The following EFNB2 variants were observed in gnomAD, a reference collection of about 807,000 sequenced individuals.
The protein encoded by EFNB2 is ephrin B2.
A neutral mutation model predicts 32.1 loss-of-function variants in EFNB2; 5 were observed. That is an observed-to-expected ratio of 0.16 (90% CI 0.08 to 0.33). The LOEUF (loss-of-function observed/expected upper bound fraction) is 0.33. Among genes scored for constraint, EFNB2 ranks in the 10% least tolerant of loss-of-function variants. EFNB2 has a pLI of 1.00. For synonymous variants in EFNB2, 168 were observed against 166.5 expected (o/e 1.01, Z -0.07); for missense variants, 263 against 422.6 (o/e 0.62, Z 3.31).
chr13:106,528,080 G>C (rs1440230289), intron 1 of EFNB2, among the ~76,000 whole-genome samples: 1 of 152,194 alleles, frequency 6.6e-6, no homozygotes, highest in African/African-American at 2.4e-5. Context: ...AGAATGCAAG[G>C]TGCTTGGATG....
intron 1 of EFNB2, among the ~76,000 whole-genome samples, chr13:106,522,154 T>C (rs1879544475): frequency 6.6e-6 from 1 of 152,126 alleles, no homozygotes; most frequent in Non-Finnish European, 1.5e-5. Flanking sequence ...GCTGGGATGC[T>C]ATGTACAGTG....
chr13:106,511,620 T>C (rs1285593763), intron 2 of EFNB2, among the ~76,000 whole-genome samples: 2 of 152,188 alleles, frequency 1.3e-5, no homozygotes, highest in Non-Finnish European at 2.9e-5. Context: ...AGCAGTTCCC[T>C]AATAAACTGA....
chr13:106,520,930 AAAGT>A (rs1471590750), intron 1 of EFNB2: 1 of 152,130 alleles, frequency 6.6e-6, no homozygotes, highest in Non-Finnish European at 1.5e-5. Context: ...CTTAGAGTAA[AAAGT>A]AATTACCTTA....
In EFNB2 at chr13:106,490,278, C is replaced by G. The variant is rs1007806121; in HGVS notation, c.*2762G>C. 17 of 152,258 alleles carry G rather than the reference C, an allele frequency of 1.1e-4. No homozygotes were observed. The highest frequency in any genetic ancestry group is 4.1e-4 in the African/African-American group (17 of 41,532). The allele number at this position is 152,258 out of a possible 1,614,324, so 9.4% of individuals were successfully genotyped here. A position where few individuals can be genotyped will look rare whatever the true frequency, so the allele number is the denominator to read the frequency against. On this transcript the variant is annotated 3_prime_UTR_variant, in exon 5 of 5. Coordinates refer to ENST00000646441, the MANE Select transcript of EFNB2 (RefSeq NM_004093.4). ...AATCCATAGACAGTAAAATCTGAAC[C>G]TATTTACAGCATCTTCACTGAAACA... is the stretch of plus-strand genomic sequence containing the variant.
At chr13:106,509,627 C>CTCTG (rs1879067124) in intron 2 of EFNB2, among the ~76,000 whole-genome samples, 1 of 142,572 alleles carries the variant, frequency 7.0e-6, no homozygotes, top group Non-Finnish European at 1.5e-5. Flanking sequence ...CAGAGCTTGA[C>CTCTG]TGTGTGTGTG....
In EFNB2 at chr13:106,489,799, C is replaced by T. The variant is rs1382256561; in HGVS notation, c.*3241G>A. ...TTTTAAGAACAAATTCAGTTTGAAA[C>T]AGATGTGGAATGTGACTTCACGGAT... On this transcript the variant is annotated 3_prime_UTR_variant, in exon 5 of 5. Coordinates refer to ENST00000646441, the MANE Select transcript of EFNB2 (RefSeq NM_004093.4). 1 of 152,422 alleles carries T rather than the reference C, an allele frequency of 6.6e-6. No individual in the cohort carries two copies. The highest frequency in any genetic ancestry group is 2.1e-4 in the South Asian group (1 of 4,818). 9.4% of individuals were successfully genotyped at this position (152,422 alleles called of 1,614,324 possible).
intron 1 of EFNB2, among the ~76,000 whole-genome samples, chr13:106,533,985 C>T (rs185028434): frequency 7.5e-4 from 114 of 152,330 alleles, no homozygotes; most frequent in Non-Finnish European, 1.4e-3. Context: ...GGCTCGCTCC[C>T]GGCTGTAGAG....
chr13:106,511,346 G>A (rs1396427967), intron 2 of EFNB2, among the ~76,000 whole-genome samples: 1 of 152,106 alleles, frequency 6.6e-6, no homozygotes, highest in Non-Finnish European at 1.5e-5. Flanking sequence ...GCTGGGTGCA[G>A]TGGCACATGC....
intron 2 of EFNB2, among the ~76,000 whole-genome samples, chr13:106,504,989 A>G (rs1246693186): frequency 2.0e-5 from 3 of 152,246 alleles, no homozygotes; most frequent in East Asian, 3.8e-4. Context: ...AAGAAAATTC[A>G]TAAGAGCTAA....
chr13:106,500,117 G>T (rs1330266453), intron 2 of EFNB2, among the ~76,000 whole-genome samples: 1 of 152,206 alleles, frequency 6.6e-6, no homozygotes, highest in Non-Finnish European at 1.5e-5. Flanking sequence ...GACTGGAAGG[G>T]CAAGAATATT....
At chr13:106,512,480 T>C (rs1196724461) in intron 2 of EFNB2, 49 bp downstream of exon 2, 9 of 1,289,298 alleles carry the variant, frequency 7.0e-6, no homozygotes, top group Non-Finnish European at 9.3e-6. Flanking sequence ...TACAAACCTA[T>C]ATAGCTTATC....
chr13:106,534,903 C>T lies in EFNB2; in HGVS notation c.62G>A (p.Arg21Lys). ...YCWGVLMVLC[R>K]TAISKSIVLE... is the part of the protein sequence containing the mutation. ...AACTATCGATTTGGAAATCGCAGTT[C>T]TGCATAAAACCATCAAAACACCCCA... Residue 21 changes from arginine (R) to lysine (K), a missense_variant, in exon 1 of 5, where the codon AGA becomes AAA. Transcript: ENST00000646441. The T allele has an allele frequency of 1.2e-6, 2 of 1,613,858 alleles. No homozygotes were observed. Among genetic ancestry groups the T allele is most frequent in the Non-Finnish European group, 1.7e-6 (2 of 1,179,842 alleles).
chr13:106,516,918 G>A (rs1195532828), intron 1 of EFNB2: 1 of 152,182 alleles, frequency 6.6e-6, no homozygotes, highest in Non-Finnish European at 1.5e-5. Flanking sequence ...TATATGAAAA[G>A]AAAATGGGGT....
chr13:106,495,494 TC>T (rs1255257068), intron 3 of EFNB2, among the ~76,000 whole-genome samples: 3 of 140,868 alleles, frequency 2.1e-5, no homozygotes, highest in Admixed American at 7.4e-5. Context: ...TATCTATCTA[TC>T]TATTATCTAT....
rs1303819517 is a variant in EFNB2 at position 106,493,287 on chromosome 13, T to C, written c.755A>G (p.Tyr252Cys). 1 of 1,614,166 alleles carries C rather than the reference T, an allele frequency of 6.2e-7. No individual in the cohort carries two copies. Residue 252 changes from tyrosine (Y) to cysteine (C), a missense_variant, in exon 5 of 5, where the codon TAC becomes TGC. Transcript: ENST00000646441. The surrounding 1 kb of genome is among the most constrained non-coding windows in gnomAD (Gnocchi z 6.1). ...IITLVVLLLKYRRRHRKHSPQ... is the reference protein window; with the variant it reads ...IITLVVLLLKCRRRHRKHSPQ... ...CGAGTGCTTCCTGTGTCTCCTCCGG[T>C]ACTTCAGCAAGAGGACCACCAGCGT... is the stretch of plus-strand genomic sequence containing the variant.
At chr13:106,514,159 A>G (rs1451889780) in intron 1 of EFNB2, among the ~76,000 whole-genome samples, 1 of 152,152 alleles carries the variant, frequency 6.6e-6, no homozygotes, top group African/African-American at 2.4e-5. Context: ...AAAGAGAAGG[A>G]TGGTCCCTTT....
intron 1 of EFNB2, among the ~76,000 whole-genome samples, chr13:106,530,621 A>AT (rs1390872003): frequency 1.3e-5 from 2 of 152,094 alleles, no homozygotes; most frequent in African/African-American, 4.8e-5. Flanking sequence ...TTTCCTAAAA[A>AT]TTTTTTTATT....
intron 1 of EFNB2, among the ~76,000 whole-genome samples, chr13:106,514,166 C>T (rs911197754): frequency 3.3e-5 from 5 of 150,794 alleles, no homozygotes; most frequent in African/African-American, 1.2e-4. Flanking sequence ...AGGATGGTCC[C>T]TTTTTTTTTA....
At chr13:106,527,356 G>A (rs1430838251) in intron 1 of EFNB2, among the ~76,000 whole-genome samples, 2 of 152,014 alleles carry the variant, frequency 1.3e-5, no homozygotes, top group African/African-American at 4.8e-5. Context: ...CATTCACAGC[G>A]CTCTAAATGT....
Sources: gnomAD v4.1 joint callset for allele counts (sites outside exome capture counted in the v4.1 genomes callset) on GRCh38, gnomAD v4.1.1 for gene constraint, Gnocchi (gnomAD v3.1) non-coding constraint, MANE v1.5 for transcripts, NCBI Gene and HGNC (gene_info 2026-07-23, HGNC 2026-07-21) for gene names.